The following PTPRD variants were observed in gnomAD, a reference collection of about 807,000 sequenced individuals.
PTPRD encodes the protein receptor-type tyrosine-protein phosphatase delta.
Under a neutral mutation model 214.5 loss-of-function variants are expected in PTPRD, and 34 were observed. That is an observed-to-expected ratio of 0.16 (90% CI 0.12 to 0.21). PTPRD has a LOEUF of 0.21. Ranked by LOEUF, PTPRD falls within the 10% of genes least tolerant of loss-of-function variation. The pLI is 1.00. For missense variants in PTPRD, 2,545 were observed against 2,398.7 expected, an observed-to-expected ratio of 1.06 and a Z score of -1.27; for synonymous variants, 1,128 against 845.7, an observed-to-expected ratio of 1.33 and a Z score of -5.79.
intron 5 of PTPRD, among the ~76,000 whole-genome samples, chr9:9,872,329 G>A (rs1393764793): frequency 6.6e-6 from 1 of 152,146 alleles, no homozygotes; most frequent in African/African-American, 2.4e-5. Flanking sequence ...CAATTAAATG[G>A]AGACTCATGG....
At chr9:9,190,837 G>C (rs2099934684) in intron 9 of PTPRD, among the ~76,000 whole-genome samples, 3 of 152,206 alleles carry the variant, frequency 2.0e-5, no homozygotes, top group Admixed American at 1.3e-4. Flanking sequence ...AGTTACTACT[G>C]TCTCATAACC....
intron 4 of PTPRD, among the ~76,000 whole-genome samples, chr9:9,999,171 C>T (rs146178184): frequency 6.6e-6 from 1 of 152,222 alleles, no homozygotes; most frequent in Non-Finnish European, 1.5e-5. Context: ...TGCTTTCTTC[C>T]CTACGCTCGG....
intron 9 of PTPRD, among the ~76,000 whole-genome samples, chr9:9,185,362 C>G (rs1307326059): frequency 2.0e-5 from 3 of 151,990 alleles, no homozygotes; most frequent in African/African-American, 7.2e-5. Flanking sequence ...CCCCTAGAGT[C>G]AAACACACTC....
intron 11 of PTPRD, among the ~76,000 whole-genome samples, chr9:8,795,355 C>T (rs758788371): frequency 6.6e-6 from 1 of 151,994 alleles, no homozygotes; most frequent in Non-Finnish European, 1.5e-5. Flanking sequence ...TTAGTAGAGA[C>T]AGCGTTTCAC....
chr9:8,590,450 C>T (rs928794892), intron 14 of PTPRD, among the ~76,000 whole-genome samples: 1 of 152,090 alleles, frequency 6.6e-6, no homozygotes, highest in Non-Finnish European at 1.5e-5. Context: ...TGCAACCAAT[C>T]AAGTTTTACA....
intron 11 of PTPRD, among the ~76,000 whole-genome samples, chr9:8,857,978 C>A (rs954954666): frequency 7.0e-6 from 1 of 143,658 alleles, no homozygotes; most frequent in Non-Finnish European, 1.5e-5. Context: ...CCCGGGCCGT[C>A]CTCTTGGCCC....
intron 2 of PTPRD, among the ~76,000 whole-genome samples, chr9:10,518,816 GC>G (rs1407141572): frequency 2.6e-5 from 4 of 151,572 alleles, no homozygotes; most frequent in Non-Finnish European, 4.4e-5. Flanking sequence ...ACAGGCGTGA[GC>G]CACCGCGCTC....
chr9:8,824,111 G>A (rs7863423), intron 11 of PTPRD, among the ~76,000 whole-genome samples: 70,575 of 151,950 alleles, frequency 0.46, 16,920 homozygotes, highest in African/African-American at 0.59. Flanking sequence ...CTCCTTTACT[G>A]TTACCTTTTA....
At chr9:10,448,490 G>C (rs1403626910) in intron 2 of PTPRD, among the ~76,000 whole-genome samples, 1 of 151,906 alleles carries the variant, frequency 6.6e-6, no homozygotes, top group Admixed American at 6.5e-5. Context: ...GTGAAAGGTG[G>C]TTCATCTAAA....
intron 3 of PTPRD, among the ~76,000 whole-genome samples, chr9:10,332,999 T>C (rs1187113266): frequency 1.3e-5 from 2 of 151,930 alleles, no homozygotes; most frequent in African/African-American, 4.8e-5. Flanking sequence ...CAAAGAAAGA[T>C]ATTTTTTAAT....
At chr9:9,721,074 C>T (rs1189285469) in intron 7 of PTPRD, among the ~76,000 whole-genome samples, 1 of 152,038 alleles carries the variant, frequency 6.6e-6, no homozygotes, top group Non-Finnish European at 1.5e-5. Context: ...ATCTGTACAA[C>T]AAACCTCTGT....
intron 2 of PTPRD, among the ~76,000 whole-genome samples, chr9:10,536,506 A>G (rs1342279894): frequency 6.6e-6 from 1 of 152,178 alleles, no homozygotes; most frequent in Non-Finnish European, 1.5e-5. Context: ...TAATAATTTT[A>G]AATAAACTTC....
chr9:10,411,015 C>T (rs2098428868), intron 2 of PTPRD, among the ~76,000 whole-genome samples: 1 of 151,660 alleles, frequency 6.6e-6, no homozygotes, highest in South Asian at 2.1e-4. Context: ...AAATTTGAGT[C>T]AGGCACTAGT....
chr9:10,087,650 G>A (rs1053687648), intron 3 of PTPRD, among the ~76,000 whole-genome samples: 1 of 151,552 alleles, frequency 6.6e-6, no homozygotes, highest in Non-Finnish European at 1.5e-5. Context: ...AGCACCCAAA[G>A]GAAATTAAGC....
intron 4 of PTPRD, among the ~76,000 whole-genome samples, chr9:10,002,487 G>A (rs1258224345): frequency 6.6e-6 from 1 of 150,792 alleles, no homozygotes; most frequent in Non-Finnish European, 1.5e-5. Context: ...ATAAAAGGAT[G>A]ATAAGATACA....
intron 9 of PTPRD, among the ~76,000 whole-genome samples, chr9:9,360,922 T>C (rs2139023691): frequency 6.6e-6 from 1 of 151,164 alleles, no homozygotes; most frequent in South Asian, 2.1e-4. Context: ...GCCAGATGTG[T>C]ACACAGAAAT....
At chr9:9,509,447 C>A (rs1374024178) in intron 8 of PTPRD, among the ~76,000 whole-genome samples, 2 of 151,436 alleles carry the variant, frequency 1.3e-5, no homozygotes, top group Non-Finnish European at 3.0e-5. Flanking sequence ...ACTAGATCAT[C>A]ACAACTGGAC....
intron 14 of PTPRD, among the ~76,000 whole-genome samples, chr9:8,562,410 A>C (rs1435967960): frequency 6.6e-6 from 1 of 151,508 alleles, no homozygotes; most frequent in Non-Finnish European, 1.5e-5. Flanking sequence ...TTTCCTTCTC[A>C]TAATAATTTA....
intron 7 of PTPRD, among the ~76,000 whole-genome samples, chr9:9,664,852 C>T (rs528398084): frequency 1.3e-5 from 2 of 151,634 alleles, no homozygotes; most frequent in African/African-American, 2.4e-5. Flanking sequence ...AGCTGGTAAC[C>T]TTTAGCTTCC....
Sources: allele counts gnomAD v4.1 joint callset (sites outside exome capture counted in the v4.1 genomes callset), GRCh38; gene constraint gnomAD v4.1.1; transcripts MANE v1.5; gene names NCBI Gene and HGNC (gene_info 2026-07-23, HGNC 2026-07-21).